STARD9: variants seen among roughly 807,000 people sequenced by gnomAD.
STARD9 encodes the protein stAR-related lipid transfer protein 9.
In STARD9, 346 loss-of-function variants were observed where a neutral mutation model predicts 399.8. The observed-to-expected ratio is 0.87, with a 90% CI of 0.79 to 0.95. The LOEUF is 0.95. Among genes scored for constraint, STARD9 ranks in the 40% least tolerant of loss-of-function variants. The pLI, the probability that STARD9 is intolerant of heterozygous loss-of-function variation, is 0.00. For synonymous variants in STARD9, 2,203 were observed against 2,143.5 expected (o/e 1.03, Z -0.77); for missense variants, 5,832 against 5,667.5 (o/e 1.03, Z -0.93).
chr15:42,658,135 A>T (rs2059912078), intron 9 of STARD9, among the ~76,000 whole-genome samples: 1 of 152,100 alleles, frequency 6.6e-6, no homozygotes. Flanking sequence ...CACAATTTCA[A>T]ACTTTTGTAC....
At chr15:42,577,045 T>C (rs1274651135) in intron 1 of STARD9, among the ~76,000 whole-genome samples, 1 of 152,202 alleles carries the variant, frequency 6.6e-6, no homozygotes, top group Non-Finnish European at 1.5e-5. Flanking sequence ...TAGTCTCTGG[T>C]ATATTCTGTA....
rs547153359 is a variant in STARD9, at chr15:42,682,124, G to A, written c.2086G>A (p.Glu696Lys). The change falls in exon 22 of 33, where the codon GAA (glutamate) becomes AAA (lysine). Residue 696 changes from glutamate (E) to lysine (K), a missense_variant. By Grantham distance (56) the Glu-to-Lys change is moderately conservative. Transcript: ENST00000290607. ...IKENQQCLLR[E>K]ETWLASLQQQ... ...CCCAGACCAGCAGTGTCTGCTCAGA[G>A]AAGAGACCTGGCTGGCCAGCTTGCA... 23 of 1,537,154 alleles carry A rather than the reference G, an allele frequency of 1.5e-5. No individual in the cohort carries two copies. In the South Asian group the frequency reaches 2.6e-4, roughly 17 times the overall value.
At chr15:42,593,073 G>A (rs554170073) in intron 3 of STARD9, among the ~76,000 whole-genome samples, 7 of 152,186 alleles carry the variant, frequency 4.6e-5, no homozygotes, top group African/African-American at 9.6e-5. Context: ...TTGGCACCTC[G>A]GCGTCAAATG....
At chr15:42,712,238 T>TA (rs1358982628) in intron 26 of STARD9, among the ~76,000 whole-genome samples, 1 of 145,566 alleles carries the variant, frequency 6.9e-6, no homozygotes, top group Non-Finnish European at 1.5e-5. Context: ...TTAGCAAATA[T>TA]ATAATTCACA....
At chr15:42,656,159 C>T (rs138442121) in intron 9 of STARD9, among the ~76,000 whole-genome samples, 2,576 of 151,816 alleles carry the variant, frequency 0.017, 36 homozygotes, top group Non-Finnish European at 0.026. Context: ...TGTTCAAGAC[C>T]AGCCTGGCCC....
Position 42,699,387 on chromosome 15 carries a change from C to CTTTTCT in STARD9, c.13284+3512_13284+3517dup, listed in dbSNP as rs2060910759. Among the ~76,000 whole-genome samples the CTTTTCT allele has an allele frequency of 1.6e-4, 20 of 128,064 alleles. 1 individual carries two copies. The highest frequency in any genetic ancestry group is 5.9e-4 in the African/African-American group (16 of 27,004). 84.0% of individuals were successfully genotyped at this position (128,064 alleles called of 152,430 possible). On this transcript the variant is annotated intron_variant, in intron 26 of 32. Transcript: ENST00000290607. ...CTTCTTCTATGAGATCAACTTTTTT[C>CTTTTCT]TTTTCTTTTTTTTTTTTTTTTTTTT... is the stretch of plus-strand genomic sequence containing the variant.
chr15:42,710,341 C>T (rs1038252784), intron 26 of STARD9, among the ~76,000 whole-genome samples: 3 of 151,538 alleles, frequency 2.0e-5, no homozygotes, highest in Admixed American at 6.6e-5. Context: ...GGAATACGGA[C>T]GTGAGCCACC....
At chr15:42,660,956 T>G (rs568750280) in intron 9 of STARD9, among the ~76,000 whole-genome samples, 20 of 152,186 alleles carry the variant, frequency 1.3e-4, no homozygotes, top group Non-Finnish European at 2.2e-4. Context: ...GTTTTGTTTT[T>G]TTTTTTTGAA....
In STARD9 at chr15:42,716,985, G is replaced by A. The variant is rs919726536; in HGVS notation, c.13431G>A (p.Gly4477=). 1 of 1,537,080 alleles carries A rather than the reference G, an allele frequency of 6.5e-7. No homozygotes were observed. Among genetic ancestry groups the A allele is most frequent in the African/African-American group, 1.4e-5 (1 of 73,028 alleles). The change falls in exon 28 of 33, where the codon GGG becomes GGA. Residue 4477 remains glycine, a synonymous_variant. Coordinates refer to ENST00000290607, the MANE Select transcript of STARD9 (RefSeq NM_020759.3). The stretch of plus-strand genomic sequence containing the variant: ...CACCATCCAGTCTGTCCAGCTTGGG[G>A]ACCTGCTTTTCCTCCTCCTACCAGG... ...CCSPSSLSSL[G]TCFSSSYQDL... is the part of the protein sequence containing the mutation.
intron 3 of STARD9, among the ~76,000 whole-genome samples, chr15:42,597,647 C>T (rs192447262): frequency 1.2e-3 from 187 of 151,954 alleles, no homozygotes; most frequent in African/African-American, 4.2e-3. Context: ...AGCAATTCTC[C>T]GCCTCAGCCT....
chr15:42,626,744 C>T (rs1452661881), intron 3 of STARD9, among the ~76,000 whole-genome samples: 29 of 151,272 alleles, frequency 1.9e-4, no homozygotes, highest in African/African-American at 6.8e-4. Flanking sequence ...ACTCCTGACC[C>T]CAGGTGATCC....
chr15:42,644,504 A>T (rs555709062), intron 7 of STARD9, among the ~76,000 whole-genome samples: 57 of 152,250 alleles, frequency 3.7e-4, no homozygotes, highest in African/African-American at 1.3e-3. Context: ...AAAAAAAAAA[A>T]ATGTACATAC....
rs2060669705 is a variant in STARD9 at position 42,690,671 on chromosome 15, C to A, written c.9093C>A (p.Asn3031Lys). 6.5e-7 allele frequency: 1 copy of A among 1,537,142 alleles called. No individual in the cohort carries two copies. Among genetic ancestry groups the A allele is most frequent in the East Asian group, 2.4e-5 (1 of 40,926 alleles). ...LTHGLEPKDV[N>K]REFRLTESST... ...ATGGCCTTGAGCCCAAAGATGTTAA[C>A]AGGGAATTTAGGCTAACAGAGAGCA... The change falls in exon 23 of 33, where the codon AAC becomes AAA. Residue 3031 changes from asparagine to lysine, a missense_variant. By Grantham distance (94) the Asn-to-Lys change is moderately conservative. Around this residue, in one of 2 missense-constraint regions of STARD9, gnomAD observed 5,828 missense variants for 5,651.1 expected, o/e 1.03. Transcript: ENST00000290607.
rs1165372961 is a variant in STARD9 at position 42,689,923 on chromosome 15, A to G, written c.8345A>G (p.Glu2782Gly). 6 of 1,537,800 alleles carry G rather than the reference A, an allele frequency of 3.9e-6. No individual in the cohort carries two copies. Among genetic ancestry groups the G allele is most frequent in the Middle Eastern group, 3.3e-4 (2 of 5,996 alleles). The change falls in exon 23 of 33, where the codon GAG becomes GGG. Residue 2782 changes from glutamate (E) to glycine (G), a missense_variant. Glu to Gly is a moderately conservative substitution (Grantham distance 98). Around this residue, in one of 2 missense-constraint regions of STARD9, gnomAD observed 5,828 missense variants for 5,651.1 expected, o/e 1.03. Coordinates refer to ENST00000290607, the MANE Select transcript of STARD9 (RefSeq NM_020759.3). ...CCTGGCAGTCAGGACAGCAGCCCAGAGCATCAGGAACCCAGAACTCTAGAC... is the reference window on the plus strand; with the variant it reads ...CCTGGCAGTCAGGACAGCAGCCCAGGGCATCAGGAACCCAGAACTCTAGAC... ...IPPGSQDSSPEHQEPRTLDTT... is the reference protein window; with the variant it reads ...IPPGSQDSSPGHQEPRTLDTT...
At position 42,717,624 on chromosome 15, in the gene STARD9, C is replaced by CA. The variant is rs796307970; in HGVS notation, c.13495-98dup. The stretch of plus-strand genomic sequence containing the variant: ...TGGGTGACAGAGCTAGACCCTGTCT[C>CA]AAAAAAAAAGAAAAGGGGAATTTAG... On this transcript the variant is annotated intron_variant, in intron 28 of 32. Transcript: ENST00000290607. The CA allele has an allele frequency of 1.0e-3, 999 of 989,090 alleles. 2 individuals carry two copies. Among genetic ancestry groups the CA allele is most frequent in the African/African-American group, 2.3e-3 (144 of 61,804 alleles). The allele number at this position is 989,090 out of a possible 1,614,324, so 61.3% of individuals were successfully genotyped here. A position where few individuals can be genotyped will look rare whatever the true frequency, so the allele number is the denominator to read the frequency against.
chr15:42,577,460 A>G (rs983240288), intron 1 of STARD9, among the ~76,000 whole-genome samples: 4 of 152,206 alleles, frequency 2.6e-5, no homozygotes, highest in Non-Finnish European at 4.4e-5. Flanking sequence ...GCCGGACACT[A>G]GGAATTTATA....
intron 20 of STARD9, among the ~76,000 whole-genome samples, chr15:42,679,635 G>A (rs1367887789): frequency 1.3e-5 from 2 of 152,218 alleles, no homozygotes; most frequent in Non-Finnish European, 2.9e-5. Flanking sequence ...TTCCAAGGCA[G>A]GGGCGGCAAA....
chr15:42,656,325 CCT>C (rs2059870135), intron 9 of STARD9, among the ~76,000 whole-genome samples: 1 of 71,650 alleles, frequency 1.4e-5, no homozygotes, highest in Non-Finnish European at 2.6e-5. Context: ...CCAGCCATCT[CCT>C]AAAAAAAAAA....
intron 9 of STARD9, among the ~76,000 whole-genome samples, chr15:42,658,381 G>A (rs1294803010): frequency 6.6e-6 from 1 of 151,040 alleles, no homozygotes; most frequent in African/African-American, 2.4e-5. Context: ...TCGTTATGTT[G>A]CCCAGGCTGG....
Sources: allele counts gnomAD v4.1 joint callset (sites outside exome capture counted in the v4.1 genomes callset), GRCh38; gene constraint gnomAD v4.1.1; regional missense constraint gnomAD v4.1.1; transcripts MANE v1.5; gene names NCBI Gene and HGNC (gene_info 2026-07-23, HGNC 2026-07-21).